NCOR1: variants seen among roughly 807,000 people sequenced by gnomAD.
The protein encoded by NCOR1 is nuclear receptor corepressor 1, also known as protein phosphatase 1, regulatory subunit 109.
In NCOR1, 63 loss-of-function variants were observed where a neutral mutation model predicts 288.1. That is an observed-to-expected ratio of 0.22 (90% confidence interval 0.18 to 0.27). The LOEUF (loss-of-function observed/expected upper bound fraction) is 0.27, where lower values mean the gene tolerates loss of function less well. NCOR1 is among the 10% of genes least tolerant of loss of function. NCOR1 has a pLI of 1.00. For missense variants in NCOR1, 2,397 were observed against 3,019.2 expected, an observed-to-expected ratio of 0.79 and a Z score of 4.83; for synonymous variants, 1,007 against 1,065.9, an observed-to-expected ratio of 0.94 and a Z score of 1.08.
intron 5 of NCOR1, among the ~76,000 whole-genome samples, chr17:16,164,222 CAG>C (rs1480095639): frequency 7.0e-6 from 1 of 143,760 alleles, no homozygotes; most frequent in African/African-American, 2.6e-5. Flanking sequence ...GCCTCGGTGA[CAG>C]AGTGAGACTC....
intron 1 of NCOR1, among the ~76,000 whole-genome samples, chr17:16,205,244 A>G (rs1413811086): frequency 2.0e-5 from 3 of 152,012 alleles, no homozygotes; most frequent in Non-Finnish European, 4.4e-5. Context: ...AGAAAGAAAA[A>G]AGTGAGTATG....
chr17:16,086,999 G>A (rs2064339160), intron 22 of NCOR1, among the ~76,000 whole-genome samples: 1 of 152,144 alleles, frequency 6.6e-6, no homozygotes, highest in Non-Finnish European at 1.5e-5. Context: ...ATTTCCCAGT[G>A]GCCCAGTGAA....
intron 14 of NCOR1, among the ~76,000 whole-genome samples, chr17:16,127,890 C>T (rs2153220994): frequency 6.6e-6 from 1 of 151,898 alleles, no homozygotes; most frequent in East Asian, 1.9e-4. Context: ...CTCACTCTGT[C>T]ACCCAGGCTA....
At chr17:16,036,681 TTCAGCCTTC>T (rs1205454741) in intron 44 of NCOR1, among the ~76,000 whole-genome samples, 2 of 152,230 alleles carry the variant, frequency 1.3e-5, no homozygotes, top group Non-Finnish European at 2.9e-5. Context: ...CTCTGCTAGC[TTCAGCCTTC>T]TCATCTGTGG....
intron 2 of NCOR1, 107 bp from the exon 3 acceptor site, chr17:16,186,794 G>C: frequency 1.1e-6 from 1 of 920,310 alleles, no homozygotes; most frequent in Non-Finnish European, 1.7e-6. Flanking sequence ...TGGAAAGAAA[G>C]AGCAATGACT....
intron 4 of NCOR1, among the ~76,000 whole-genome samples, chr17:16,169,638 CT>C (rs1230466420): frequency 9.4e-6 from 1 of 106,028 alleles, no homozygotes; most frequent in Non-Finnish European, 2.2e-5. Context: ...TCAGGAGTTA[CT>C]AACCTAGGTC....
intron 23 of NCOR1, 110 bp from the exon 24 acceptor site, chr17:16,080,837 ATACCCCTTCTACCC>A: frequency 3.8e-6 from 4 of 1,041,582 alleles, no homozygotes; most frequent in Non-Finnish European, 5.4e-6. Context: ...AAAAAAAATT[ATACCCCTTCTACCC>A]AAAACCAAGA....
intron 1 of NCOR1, among the ~76,000 whole-genome samples, chr17:16,206,293 T>C (rs958346332): frequency 6.6e-6 from 1 of 151,654 alleles, no homozygotes; most frequent in Non-Finnish European, 1.5e-5. Context: ...TGCATAAATA[T>C]TCACACACAC....
chr17:16,138,083 G>T, intron 13 of NCOR1, 75 bp downstream of exon 13: 1 of 1,207,706 alleles, frequency 8.3e-7, no homozygotes. Flanking sequence ...CTACTTATAT[G>T]TGTCAGAGCA....
At chr17:16,120,470 C>G (rs1356863489) in intron 16 of NCOR1, among the ~76,000 whole-genome samples, 1 of 152,080 alleles carries the variant, frequency 6.6e-6, no homozygotes, top group Non-Finnish European at 1.5e-5. Context: ...CATTTTCTTT[C>G]ATACTTCAGT....
At chr17:16,051,120 T>C (rs1371068046) in intron 40 of NCOR1, among the ~76,000 whole-genome samples, 1 of 152,238 alleles carries the variant, frequency 6.6e-6, no homozygotes, top group Non-Finnish European at 1.5e-5. Context: ...ATTACAGGTG[T>C]CAGCCACTGT....
chr17:16,114,608 C>T (rs7216043), intron 18 of NCOR1, among the ~76,000 whole-genome samples: 144,843 of 152,270 alleles, frequency 0.95, 69,611 homozygotes, highest in African/African-American at 0.99. Flanking sequence ...GTGGGAGAAA[C>T]TGGCCAAACG....
In NCOR1 at chr17:16,032,365, C is replaced by G. The variant is rs2151756009; in HGVS notation, c.7254G>C (p.Arg2418Ser). 6.2e-7 allele frequency: 1 copy of G among 1,614,108 alleles called. No individual in the cohort carries two copies. The highest frequency in any genetic ancestry group is 1.1e-5 in the South Asian group (1 of 91,062). The change falls in exon 46 of 46, where the codon AGG becomes AGC. Residue 2418 changes from arginine to serine, a missense_variant. This residue lies in a region of NCOR1 where 1,872 missense variants were observed against 2,187.8 expected (regional missense o/e 0.86). Transcript: ENST00000268712. ...GTGGGGCAGGCTCTCGCTCCCAGATCCTGTTCTGTTGGTGAGGAGCTGCTT... is the reference window on the plus strand; with the variant it reads ...GTGGGGCAGGCTCTCGCTCCCAGATGCTGTTCTGTTGGTGAGGAGCTGCTT... ...VNQAAPHQQNRIWEREPAPLL... is the reference protein window; with the variant it reads ...VNQAAPHQQNSIWEREPAPLL...
Position 16,030,451 on chromosome 17 carries a change from C to A in NCOR1, c.*1845G>T. 9.7e-6 allele frequency: 2 copies of A among 205,872 alleles called. No homozygotes were observed. The highest frequency in any genetic ancestry group is 2.0e-5 in the Non-Finnish European group (2 of 101,558). The allele number at this position is 205,872 out of a possible 1,614,324, so 12.8% of individuals were successfully genotyped here. A position where few individuals can be genotyped will look rare whatever the true frequency, so the allele number is the denominator to read the frequency against. On this transcript the variant is annotated 3_prime_UTR_variant, in exon 46 of 46. Transcript: ENST00000268712. ...CATAATCTCTTTTATGGTAGGTTGG[C>A]AATATAAATTATTAACAAACTCTAA...
intron 14 of NCOR1, among the ~76,000 whole-genome samples, chr17:16,133,883 T>A (rs931489020): frequency 6.6e-6 from 1 of 152,168 alleles, no homozygotes; most frequent in African/African-American, 2.4e-5. Context: ...ATCAGCAAAA[T>A]CTCGTGGTTT....
Position 16,030,215 on chromosome 17 carries a change from A to G in NCOR1, c.*2081T>C. ...ATATATTTACTATTCATTAAGTGGA[A>G]GTGGATCATCATGAAGGTCTTCATC... On this transcript the variant is annotated 3_prime_UTR_variant, in exon 46 of 46. Coordinates refer to ENST00000268712, the MANE Select transcript of NCOR1 (RefSeq NM_006311.4). The G allele has an allele frequency of 4.4e-6, 1 of 228,342 alleles. No homozygotes were observed. 14.1% of individuals were successfully genotyped at this position (228,342 alleles called of 1,614,324 possible).
Position 16,172,007 on chromosome 17 carries a change from A to G in NCOR1, c.243-12T>C, listed in dbSNP as rs754403062. On this transcript the variant is annotated splice_polypyrimidine_tract_variant and intron_variant, in intron 3 of 45. Transcript: ENST00000268712. The stretch of plus-strand genomic sequence containing the variant: ...TCCTTTCTTGAGGCCTAATACATAC[A>G]AAGAAAATAAACACTTGAAAATTTG... 13 of 1,520,272 alleles carry G rather than the reference A, an allele frequency of 8.6e-6. No individual in the cohort carries two copies. In the East Asian group the frequency reaches 1.2e-4, roughly 14 times the overall value. 94.2% of individuals were successfully genotyped at this position (1,520,272 alleles called of 1,614,324 possible).
intron 11 of NCOR1, among the ~76,000 whole-genome samples, chr17:16,140,448 G>C (rs1322437229): frequency 6.6e-6 from 1 of 152,136 alleles, no homozygotes; most frequent in Non-Finnish European, 1.5e-5. Context: ...AGGACTGCTT[G>C]AGCCCAGGAG....
chr17:16,137,516 T>A, intron 13 of NCOR1, 104 bp from the exon 14 acceptor site: 1 of 620,912 alleles, frequency 1.6e-6, no homozygotes. Context: ...GAAAGTAAAA[T>A]TAAAGAAAAA....
Sources: gnomAD v4.1 joint callset for allele counts (sites outside exome capture counted in the v4.1 genomes callset) on GRCh38, gnomAD v4.1.1 for gene constraint, gnomAD v4.1.1 regional missense constraint, MANE v1.5 for transcripts, NCBI Gene and HGNC (gene_info 2026-07-23, HGNC 2026-07-21) for gene names.